The following SEMA3C variants were observed in gnomAD, a reference collection of about 807,000 sequenced individuals.
The protein encoded by SEMA3C is semaphorin-3C.
Under a neutral mutation model 89.4 loss-of-function variants are expected in SEMA3C, and 47 were observed. The observed-to-expected ratio is 0.53, with a 90% CI of 0.42 to 0.67. The LOEUF is 0.67. Ranked by LOEUF, SEMA3C falls within the 30% of genes least tolerant of loss-of-function variation. The pLI is 0.00. For synonymous variants in SEMA3C, 310 were observed against 320.2 expected, an observed-to-expected ratio of 0.97 and a Z score of 0.34; for missense variants, 839 against 929.1, an observed-to-expected ratio of 0.90 and a Z score of 1.26.
At chr7:80,781,985 T>C (rs1788701351) in intron 12 of SEMA3C, among the ~76,000 whole-genome samples, 1 of 152,064 alleles carries the variant, frequency 6.6e-6, no homozygotes, top group Non-Finnish European at 1.5e-5. Flanking sequence ...GAATCCATTT[T>C]AATTAAGAAA....
chr7:80,755,345 T>C (rs79608931), intron 15 of SEMA3C, among the ~76,000 whole-genome samples: 3,983 of 149,904 alleles, frequency 0.027, 211 homozygotes, highest in East Asian at 0.22. Flanking sequence ...CTAGCCCATA[T>C]TGAGCATAAA....
At chr7:80,808,617 T>C (rs897533627) in intron 6 of SEMA3C, among the ~76,000 whole-genome samples, 1 of 152,172 alleles carries the variant, frequency 6.6e-6, no homozygotes, top group African/African-American at 2.4e-5. Flanking sequence ...TCTATTTAAA[T>C]GAACCAAAGC....
chr7:80,875,503 C>T (rs1035353329), intron 2 of SEMA3C, among the ~76,000 whole-genome samples: 1 of 152,052 alleles, frequency 6.6e-6, no homozygotes, highest in Admixed American at 6.5e-5. Context: ...AGGTTTCAGT[C>T]GCCCTTAGTC....
Position 80,839,765 on chromosome 7 carries a change from C to A in SEMA3C, c.104-11020G>T, listed in dbSNP as rs1025619687. 4.6e-5 allele frequency among the ~76,000 whole-genome samples: 7 copies of A among 151,992 alleles called. No homozygotes were observed. The East Asian group carries it at 1.4e-3, about 30-fold the overall frequency. On this transcript the variant is annotated intron_variant, in intron 2 of 17. Coordinates refer to ENST00000265361, the MANE Select transcript of SEMA3C (RefSeq NM_006379.5). ...GCATTGGGGAAGGATGATGACCTGA[C>A]ATGGTATATCATGTCAGCAAAACCC... is the stretch of plus-strand genomic sequence containing the variant.
chr7:80,822,919 T>A (rs1789788207), intron 4 of SEMA3C, among the ~76,000 whole-genome samples: 1 of 152,158 alleles, frequency 6.6e-6, no homozygotes, highest in South Asian at 2.1e-4. Context: ...CTGACCACAG[T>A]AAAAATCCAC....
At chr7:80,761,027 T>C (rs569053428) in intron 14 of SEMA3C, among the ~76,000 whole-genome samples, 2 of 152,296 alleles carry the variant, frequency 1.3e-5, no homozygotes, top group Admixed American at 1.3e-4. Context: ...TATATTTACA[T>C]GTGTAGGGAC....
intron 2 of SEMA3C, among the ~76,000 whole-genome samples, chr7:80,907,355 T>G (rs1047742371): frequency 1.3e-5 from 2 of 152,024 alleles, no homozygotes; most frequent in African/African-American, 4.8e-5. Context: ...AAATAACATC[T>G]TAATTGGTTT....
chr7:80,906,794 A>T (rs1443008140), intron 2 of SEMA3C, among the ~76,000 whole-genome samples: 2 of 152,164 alleles, frequency 1.3e-5, no homozygotes, highest in Non-Finnish European at 1.5e-5. Context: ...TATAGATATA[A>T]GGGGAGAGGC....
intron 2 of SEMA3C, among the ~76,000 whole-genome samples, chr7:80,877,814 T>G (rs1791235745): frequency 6.6e-6 from 1 of 152,116 alleles, no homozygotes; most frequent in African/African-American, 2.4e-5. Flanking sequence ...ACTTTTGAAA[T>G]GGAAGAGATA....
intron 12 of SEMA3C, among the ~76,000 whole-genome samples, chr7:80,782,661 A>C (rs2117095394): frequency 6.6e-6 from 1 of 152,314 alleles, no homozygotes; most frequent in Non-Finnish European, 1.5e-5. Context: ...GATTCTGCCC[A>C]AAAACAATGA....
intron 12 of SEMA3C, among the ~76,000 whole-genome samples, chr7:80,771,033 A>T (rs1788420663): frequency 6.6e-6 from 1 of 152,240 alleles, no homozygotes; most frequent in Non-Finnish European, 1.5e-5. Context: ...AGTTAAACGA[A>T]GAAAACAGTT....
intron 12 of SEMA3C, among the ~76,000 whole-genome samples, chr7:80,770,944 A>G (rs1788418311): frequency 6.6e-6 from 1 of 152,228 alleles, no homozygotes; most frequent in African/African-American, 2.4e-5. Flanking sequence ...AGTAAAACTG[A>G]AAGGTTGTGA....
chr7:80,785,476 G>C (rs982004995), intron 12 of SEMA3C, among the ~76,000 whole-genome samples: 1 of 152,128 alleles, frequency 6.6e-6, no homozygotes, highest in African/African-American at 2.4e-5. Flanking sequence ...TCTGACACTA[G>C]GGGACCTGGA....
chr7:80,754,872 G>C (rs915253683), intron 15 of SEMA3C, among the ~76,000 whole-genome samples: 1 of 151,972 alleles, frequency 6.6e-6, no homozygotes, highest in South Asian at 2.1e-4. Context: ...CCGCCACAAG[G>C]GTTCAAATGA....
At chr7:80,757,678 A>G (rs146961581) in intron 15 of SEMA3C, among the ~76,000 whole-genome samples, 2 of 152,340 alleles carry the variant, frequency 1.3e-5, no homozygotes, top group African/African-American at 4.8e-5. Context: ...AGCATATAAA[A>G]TAAAAAAGAC....
intron 2 of SEMA3C, among the ~76,000 whole-genome samples, chr7:80,862,351 A>T (rs1403481097): frequency 1.3e-5 from 2 of 152,116 alleles, no homozygotes; most frequent in South Asian, 2.1e-4. Context: ...AGCTGCAAAA[A>T]AACAATAAAA....
intron 2 of SEMA3C, among the ~76,000 whole-genome samples, chr7:80,855,827 T>G (rs1267038892): frequency 6.6e-6 from 1 of 152,176 alleles, no homozygotes; most frequent in African/African-American, 2.4e-5. Flanking sequence ...TAGTTTGAGC[T>G]GGGGAGTTAA....
intron 8 of SEMA3C, among the ~76,000 whole-genome samples, chr7:80,803,253 A>C (rs1455466245): frequency 6.6e-6 from 1 of 152,098 alleles, no homozygotes; most frequent in Non-Finnish European, 1.5e-5. Flanking sequence ...TTATCACATA[A>C]TTTTCAGTAT....
At chr7:80,893,870 AACAG>A (rs1475843109) in intron 2 of SEMA3C, among the ~76,000 whole-genome samples, 6 of 152,172 alleles carry the variant, frequency 3.9e-5, no homozygotes, top group Admixed American at 2.6e-4. Context: ...GCCATTTTGA[AACAG>A]ACAAGCACTT....
Sources: allele counts gnomAD v4.1 joint callset (sites outside exome capture counted in the v4.1 genomes callset), GRCh38; gene constraint gnomAD v4.1.1; transcripts MANE v1.5; gene names NCBI Gene and HGNC (gene_info 2026-07-23, HGNC 2026-07-21).